The following CGA variants were observed in gnomAD, a reference collection of about 807,000 sequenced individuals.
CGA encodes the protein glycoprotein hormones, alpha polypeptide.
In CGA, 4 loss-of-function variants were observed where a neutral mutation model predicts 12.0. That is an observed-to-expected ratio of 0.33 (90% confidence interval 0.16 to 0.76). The LOEUF (loss-of-function observed/expected upper bound fraction) is 0.76, where lower values mean the gene tolerates loss of function less well. Among genes scored for constraint, CGA ranks in the 30% least tolerant of loss-of-function variants. CGA has a pLI of 0.60. For missense variants in CGA, 102 were observed against 143.5 expected (o/e 0.71, Z 1.48); for synonymous variants, 60 against 56.6 (o/e 1.06, Z -0.27).
In CGA at chr6:87,086,448, A is replaced by AG. The variant is rs774888642; in HGVS notation, c.89-15_89-14insC. The AG allele has an allele frequency of 2.8e-5, 44 of 1,582,942 alleles. No homozygotes were observed. In the East Asian group the frequency reaches 4.9e-4, roughly 18 times the overall value. On this transcript the variant is annotated splice_polypyrimidine_tract_variant and intron_variant, in intron 2 of 3. Transcript: ENST00000627148. ...ATTCTGGGCAATCTATCAGGGAAAA[A>AG]AAAAGGCAGAGTAAAATATCCAAAA...
intron 1 of CGA, among the ~76,000 whole-genome samples, chr6:87,089,507 C>T (rs1769390936): frequency 6.6e-6 from 1 of 152,156 alleles, no homozygotes; most frequent in African/African-American, 2.4e-5. Flanking sequence ...ATATACAGGA[C>T]TTCTCTGTAC....
chr6:87,087,066 G>A (rs935322725), intron 2 of CGA, among the ~76,000 whole-genome samples: 10 of 152,176 alleles, frequency 6.6e-5, no homozygotes, highest in African/African-American at 2.2e-4. Flanking sequence ...GTGATAGAAC[G>A]AGACTCTGTC....
intron 1 of CGA, among the ~76,000 whole-genome samples, chr6:87,090,394 A>G (rs1582321191): frequency 6.6e-6 from 1 of 152,276 alleles, no homozygotes; most frequent in East Asian, 1.9e-4. Context: ...AGCACATGAG[A>G]ATTTAGCTAT....
At chr6:87,087,056 G>T (rs1769337650) in intron 2 of CGA, among the ~76,000 whole-genome samples, 1 of 152,194 alleles carries the variant, frequency 6.6e-6, no homozygotes, top group Non-Finnish European at 1.5e-5. Flanking sequence ...TCCAGCCTGG[G>T]TGATAGAACG....
At chr6:87,093,287 C>T (rs1391509079) in intron 1 of CGA, among the ~76,000 whole-genome samples, 3 of 152,196 alleles carry the variant, frequency 2.0e-5, no homozygotes, top group Admixed American at 1.3e-4. Context: ...TGGAGTCACA[C>T]ATGGATCATG....
chr6:87,090,787 G>A (rs1301378415), intron 1 of CGA, among the ~76,000 whole-genome samples: 6 of 149,652 alleles, frequency 4.0e-5, no homozygotes, highest in Non-Finnish European at 7.4e-5. Context: ...ACAGGCACAT[G>A]CCACCACGCT....
chr6:87,088,159 T>G lies in CGA; in HGVS notation c.42A>C (p.Thr14=). 1 of 1,594,228 alleles carries G rather than the reference T, an allele frequency of 6.3e-7. No homozygotes were observed. The highest frequency in any genetic ancestry group is 8.5e-7 in the Non-Finnish European group (1 of 1,170,608). The change falls in exon 2 of 4, where the codon ACA becomes ACC. Residue 14 remains threonine (T), a synonymous_variant. Coordinates refer to ENST00000627148, the MANE Select transcript of CGA (RefSeq NM_000735.4). Reference sequence around the variant, plus strand: ...GGAGAACATGCAGAAACACCGACAATGTGACCAGAAAGATAGCTGCATATT... The same window carrying G: ...GGAGAACATGCAGAAACACCGACAAGGTGACCAGAAAGATAGCTGCATATT... ...YRKYAAIFLV[T]LSVFLHVLHS...
chr6:87,091,787 CAAAA>C (rs1239248177), intron 1 of CGA, among the ~76,000 whole-genome samples: 4 of 152,206 alleles, frequency 2.6e-5, no homozygotes, highest in Non-Finnish European at 4.4e-5. Flanking sequence ...ACCCCAAAGA[CAAAA>C]TAAATATCTT....
chr6:87,087,295 T>C (rs1163851383), intron 2 of CGA, among the ~76,000 whole-genome samples: 1 of 152,224 alleles, frequency 6.6e-6, no homozygotes, highest in Non-Finnish European at 1.5e-5. Flanking sequence ...AAACATTTTT[T>C]ACAGATATGC....
chr6:87,088,141 A>G lies in CGA; in HGVS notation c.60T>C (p.His20=), dbSNP rs762154861. 9 of 1,600,288 alleles carry G rather than the reference A, an allele frequency of 5.6e-6. No individual in the cohort carries two copies. Among genetic ancestry groups the G allele is most frequent in the Non-Finnish European group, 6.8e-6 (8 of 1,171,798 alleles). ...IFLVTLSVFL[H]VLHSAPDVQD... is the part of the protein sequence containing the mutation. ...GCACATCAGGAGCGGAATGGAGAACATGCAGAAACACCGACAATGTGACCA... is the reference window on the plus strand; with the variant it reads ...GCACATCAGGAGCGGAATGGAGAACGTGCAGAAACACCGACAATGTGACCA... Residue 20 remains histidine (H), a synonymous_variant, in exon 2 of 4, where the codon CAT becomes CAC. Coordinates refer to ENST00000627148, the MANE Select transcript of CGA (RefSeq NM_000735.4).
chr6:87,088,859 A>G (rs1769378410), intron 1 of CGA: 1 of 152,218 alleles, frequency 6.6e-6, no homozygotes. Context: ...AAAACTAAAC[A>G]TGTACTTACC....
chr6:87,094,691 G>C (rs1769504256), intron 1 of CGA: 1 of 152,098 alleles, frequency 6.6e-6, no homozygotes, highest in African/African-American at 2.4e-5. Context: ...CCTCTGTCTG[G>C]CTCCTGGAAG....
chr6:87,092,565 GGAGAGGAGAGGAGAGGGGAA>G (rs1769458696), intron 1 of CGA, among the ~76,000 whole-genome samples: 2 of 148,954 alleles, frequency 1.3e-5, no homozygotes, highest in Admixed American at 1.3e-4. Context: ...GAAAAGAAGA[GGAGAGGAGAGGAGAGGGGAA>G]GAGGGGAAAG....
At chr6:87,094,921 A>C (rs35431724) in intron 1 of CGA, 92 bp downstream of exon 1, 1 of 152,208 alleles carries the variant, frequency 6.6e-6, no homozygotes, top group South Asian at 2.1e-4. Flanking sequence ...AGTTCTTATT[A>C]AGGTATATGC....
At chr6:87,090,637 A>ATTTTTTTTTTTT (rs147883019) in intron 1 of CGA, among the ~76,000 whole-genome samples, 36 of 124,764 alleles carry the variant, frequency 2.9e-4, no homozygotes, top group Admixed American at 4.3e-4. Context: ...CTCTTCAATA[A>ATTTTTTTTTTTT]TTTTTTTTTT....
intron 1 of CGA, among the ~76,000 whole-genome samples, chr6:87,092,246 C>T (rs764308041): frequency 6.6e-6 from 1 of 152,146 alleles, no homozygotes; most frequent in South Asian, 2.1e-4. Flanking sequence ...GTCACTCCCA[C>T]GTCAAACAGT....
intron 1 of CGA, among the ~76,000 whole-genome samples, chr6:87,090,878 C>T (rs894657391): frequency 6.6e-6 from 1 of 150,856 alleles, no homozygotes; most frequent in Non-Finnish European, 1.5e-5. Flanking sequence ...AAACTCCTGA[C>T]CTCGTGATCC....
intron 1 of CGA, among the ~76,000 whole-genome samples, chr6:87,089,755 A>G (rs1230577137): frequency 6.6e-6 from 1 of 152,202 alleles, no homozygotes. Flanking sequence ...TCTATTCTGA[A>G]CATCTGAAAT....
chr6:87,085,865 G>A (rs748376783), intron 3 of CGA, 32 bp from the exon 4 acceptor site: 11 of 1,385,716 alleles, frequency 7.9e-6, no homozygotes, highest in Middle Eastern at 1.8e-4. Context: ...ACATATTATA[G>A]ATTAGATGAT....
Sources: gnomAD v4.1 joint callset for allele counts (sites outside exome capture counted in the v4.1 genomes callset) on GRCh38, gnomAD v4.1.1 for gene constraint, MANE v1.5 for transcripts, NCBI Gene and HGNC (gene_info 2026-07-23, HGNC 2026-07-21) for gene names.